Variants in CCDC7 observed in about 807,000 individuals in gnomAD.
The protein encoded by CCDC7 is coiled-coil domain containing 7, also known as coiled-coil domain-containing protein 7.
Under a neutral mutation model 196.9 loss-of-function variants are expected in CCDC7, and 183 were observed. The ratio of observed to expected loss-of-function variants is 0.93; its 90% CI spans 0.82 to 1.05. The LOEUF (loss-of-function observed/expected upper bound fraction) is 1.05, where lower values mean the gene tolerates loss of function less well. CCDC7 is among the 50% of genes least tolerant of loss of function. The pLI is 0.00. For missense variants in CCDC7, 1,540 were observed against 1,482.2 expected, an observed-to-expected ratio of 1.04 and a Z score of -0.64; for synonymous variants, 525 against 484.6, an observed-to-expected ratio of 1.08 and a Z score of -1.10.
chr10:32,640,681 G>C (rs1253765630), intron 20 of CCDC7, among the ~76,000 whole-genome samples: 1 of 152,018 alleles, frequency 6.6e-6, no homozygotes, highest in Non-Finnish European at 1.5e-5. Context: ...GCTTCCTTCA[G>C]GAGCTCTTTT....
intron 23 of CCDC7, among the ~76,000 whole-genome samples, chr10:32,691,910 A>C (rs2077134648): frequency 6.6e-6 from 1 of 152,194 alleles, no homozygotes; most frequent in African/African-American, 2.4e-5. Context: ...AGGGTTTCAG[A>C]TGTTTACATC....
chr10:32,831,005 AATGCATCGTTGGGTGACTTC>A (rs2092104863), intron 32 of CCDC7, among the ~76,000 whole-genome samples: 1 of 152,188 alleles, frequency 6.6e-6, no homozygotes, highest in Non-Finnish European at 1.5e-5. Context: ...TGTCCTGACA[AATGCATCGTTGGGTGACTTC>A]ATCATCATGC....
rs190774066 is a variant in CCDC7 at position 32,701,887 on chromosome 10, G to A, written c.2458+6895G>A. Among the ~76,000 whole-genome samples, 143 of 152,060 alleles carry A rather than the reference G, an allele frequency of 9.4e-4. 1 individual carries two copies. Among genetic ancestry groups the A allele is most frequent in the African/African-American group, 1.7e-3 (72 of 41,470 alleles). ...TATCCCCTTTATCATTTTTTATTGCGTCAATTTGATTCTTCTCTCTTTTCT... is the reference window on the plus strand; with the variant it reads ...TATCCCCTTTATCATTTTTTATTGCATCAATTTGATTCTTCTCTCTTTTCT... On this transcript the variant is annotated intron_variant, in intron 24 of 41. Coordinates refer to ENST00000639629, the Ensembl canonical transcript of CCDC7.
At chr10:32,499,016 G>A (rs2043388109) in intron 9 of CCDC7, 1 of 151,078 alleles carries the variant, frequency 6.6e-6, no homozygotes, top group Non-Finnish European at 1.5e-5. Context: ...GTCACTTTCA[G>A]GTACATGAAT....
At chr10:32,831,520 C>T (rs1190936809) in intron 32 of CCDC7, among the ~76,000 whole-genome samples, 1 of 152,100 alleles carries the variant, frequency 6.6e-6, no homozygotes, top group African/African-American at 2.4e-5. Flanking sequence ...TAACTTAAAA[C>T]ACACATTGTA....
chr10:32,837,073 C>T lies in CCDC7; in HGVS notation c.3352+2175C>T, dbSNP rs865858253. Among the ~76,000 whole-genome samples, 286 of 152,030 alleles carry T rather than the reference C, an allele frequency of 1.9e-3. 2 individuals carry two copies. The highest frequency in any genetic ancestry group is 5.2e-3 in the African/African-American group (217 of 41,498). On this transcript the variant is annotated intron_variant, in intron 33 of 41. Transcript: ENST00000639629. ...GGCAACAAAAGCCAAAATTGACAAA[C>T]GGGATCTAATTAAACTAAAGAGCTT...
chr10:32,552,208 G>A (rs1434003276), intron 13 of CCDC7, among the ~76,000 whole-genome samples: 2 of 152,136 alleles, frequency 1.3e-5, no homozygotes, highest in African/African-American at 2.4e-5. Context: ...TCTGATGTAA[G>A]AATAGCTATC....
At chr10:32,526,502 C>G (rs1484160005) in intron 11 of CCDC7, among the ~76,000 whole-genome samples, 1 of 152,144 alleles carries the variant, frequency 6.6e-6, no homozygotes, top group Admixed American at 6.5e-5. Flanking sequence ...ACCATAACCT[C>G]TATAGCTTGG....
chr10:32,851,681 T>C (rs2093569095), intron 39 of CCDC7, 126 bp from the exon 41 acceptor site: 2 of 936,924 alleles, frequency 2.1e-6, no homozygotes, highest in Non-Finnish European at 3.1e-6. Context: ...TCCTTTCAGT[T>C]TTTTTAAATG....
At chr10:32,705,371 A>C (rs539431211) in intron 24 of CCDC7, among the ~76,000 whole-genome samples, 31 of 152,254 alleles carry the variant, frequency 2.0e-4, no homozygotes, top group Admixed American at 1.6e-3. Flanking sequence ...AACATGCCAA[A>C]TTGTAAAGAC....
At chr10:32,452,035 T>C in intron 1 of CCDC7, 114 bp downstream of exon 2, 2 of 1,372,432 alleles carry the variant, frequency 1.5e-6, no homozygotes, top group East Asian at 2.6e-5. Context: ...GGCTAAGATT[T>C]ATTACAGTAG....
chr10:32,834,829 C>A (rs200088472), exon 33 of CCDC7: 1 of 1,435,150 alleles, frequency 7.0e-7, no homozygotes, highest in Non-Finnish European at 9.8e-7. Flanking sequence ...TGTCTTAAAA[C>A]ACTTGAAAGG....
chr10:32,471,100 C>T lies in CCDC7; in HGVS notation c.547C>T (p.Pro183Ser). The T allele has an allele frequency of 4.3e-6, 7 of 1,611,058 alleles. No individual in the cohort carries two copies. The South Asian group carries it at 7.7e-5, about 18-fold the overall frequency. ...TCAAACTCTTTTACAAGCAGAGCCT[C>T]CAAAACCTGACAAAACAGTCATTTT... Residue 183 changes from proline to serine, a missense_variant, in exon 6 of 42, where the codon CCA becomes TCA. By Grantham distance (74) the Pro-to-Ser change is moderately conservative. Coordinates refer to ENST00000639629, the Ensembl canonical transcript of CCDC7.
At chr10:32,700,992 C>G (rs2078615377) in intron 24 of CCDC7, among the ~76,000 whole-genome samples, 1 of 152,176 alleles carries the variant, frequency 6.6e-6, no homozygotes, top group Non-Finnish European at 1.5e-5. Context: ...ACAAGGATGT[C>G]ATCTGCAAAC....
chr10:32,600,390 AT>A (rs1460996192), intron 18 of CCDC7, among the ~76,000 whole-genome samples: 2 of 151,666 alleles, frequency 1.3e-5, no homozygotes, highest in Non-Finnish European at 2.9e-5. Flanking sequence ...AGTGCTACTG[AT>A]TTGTGTACAC....
chr10:32,607,017 G>A lies in CCDC7; in HGVS notation c.1801+22713G>A, dbSNP rs186358097. On this transcript the variant is annotated intron_variant, in intron 18 of 41. Transcript: ENST00000639629. ...AACCCCAAAGTTGGAGATGGGGCCT[G>A]GTGGGAGGTGATTGGATTATGGGGG... Among the ~76,000 whole-genome samples, 10 of 152,300 alleles carry A rather than the reference G, an allele frequency of 6.6e-5. No individual in the cohort carries two copies. The East Asian group carries it at 1.9e-3, about 29-fold the overall frequency.
intron 28 of CCDC7, among the ~76,000 whole-genome samples, chr10:32,752,754 T>G (rs1405179445): frequency 6.6e-6 from 1 of 152,220 alleles, no homozygotes; most frequent in African/African-American, 2.4e-5. Flanking sequence ...TACATATCTG[T>G]ACCCATAAGA....
chr10:32,639,643 T>C (rs2066346767), intron 20 of CCDC7, among the ~76,000 whole-genome samples: 1 of 151,710 alleles, frequency 6.6e-6, no homozygotes, highest in South Asian at 2.1e-4. Flanking sequence ...TTTTTTTTTT[T>C]TTGAGATGGA....
chr10:32,613,262 G>A (rs1452890874), intron 18 of CCDC7, among the ~76,000 whole-genome samples: 1 of 152,000 alleles, frequency 6.6e-6, no homozygotes, highest in Non-Finnish European at 1.5e-5. Context: ...GGGATTGGTG[G>A]TGATATCCCC....
Sources: gnomAD v4.1 joint callset for allele counts (sites outside exome capture counted in the v4.1 genomes callset) on GRCh38, gnomAD v4.1.1 for gene constraint, MANE v1.5 for transcripts, NCBI Gene and HGNC (gene_info 2026-07-23, HGNC 2026-07-21) for gene names.